HMCN1: variants seen among roughly 807,000 people sequenced by gnomAD.
HMCN1 encodes the protein hemicentin 1.
In HMCN1, 321 loss-of-function variants were observed where a neutral mutation model predicts 625.9. That is an observed-to-expected ratio of 0.51 (90% CI 0.47 to 0.56). The LOEUF (loss-of-function observed/expected upper bound fraction) is 0.56, where lower values mean the gene tolerates loss of function less well. HMCN1 is among the 20% of genes least tolerant of loss of function. The pLI is 0.00. For missense variants in HMCN1, 6,588 were observed against 6,887.3 expected (o/e 0.96, Z 1.54); for synonymous variants, 2,425 against 2,417.6 (o/e 1.00, Z -0.09).
intron 49 of HMCN1, 61 bp from the exon 50 acceptor site, chr1:186,067,773 G>A: frequency 8.5e-7 from 1 of 1,173,338 alleles, no homozygotes; most frequent in Non-Finnish European, 1.3e-6. Flanking sequence ...TGGAAATTTA[G>A]AAATGCACAA....
chr1:186,012,489 G>T (rs1038375509), intron 30 of HMCN1, among the ~76,000 whole-genome samples: 4 of 151,582 alleles, frequency 2.6e-5, no homozygotes, highest in African/African-American at 7.3e-5. Context: ...CAAAAGTCAA[G>T]AATACTATTG....
intron 1 of HMCN1, among the ~76,000 whole-genome samples, chr1:185,816,166 A>C (rs1368551147): frequency 6.6e-6 from 1 of 152,228 alleles, no homozygotes; most frequent in East Asian, 1.9e-4. Flanking sequence ...CTATCTGGTC[A>C]GAATGGAAGA....
In HMCN1 at chr1:185,970,400, C is replaced by A; in HGVS notation, c.2278C>A (p.Gln760Lys). 1 of 1,613,592 alleles carries A rather than the reference C, an allele frequency of 6.2e-7. No homozygotes were observed. The highest frequency in any genetic ancestry group is 8.5e-7 in the Non-Finnish European group (1 of 1,179,536). ...CCCTCTCTTGGGACTTTTGAAGATT[C>A]AAGAAACACAAGATCTGGATGCTGG... Reference protein sequence around the residue: ...IDPLLGLLKIQETQDLDAGDY... With the variant: ...IDPLLGLLKIKETQDLDAGDY... The change falls in exon 15 of 107, where the codon CAA becomes AAA. Residue 760 changes from glutamine (Q) to lysine (K), a missense_variant. Gln to Lys is a moderately conservative substitution (Grantham distance 53). Transcript: ENST00000271588.
chr1:186,130,896 T>G, intron 85 of HMCN1, among the ~76,000 whole-genome samples, 199 bp downstream of exon 85: 1 of 152,334 alleles, frequency 6.6e-6, no homozygotes, highest in Middle Eastern at 3.4e-3. Flanking sequence ...TGAGATAATG[T>G]GGCTGCCTTG....
chr1:185,783,691 A>C (rs149958679), intron 1 of HMCN1, among the ~76,000 whole-genome samples: 33 of 152,302 alleles, frequency 2.2e-4, no homozygotes, highest in African/African-American at 7.9e-4. Flanking sequence ...TTGATGCCTG[A>C]TCATTCCTCT....
intron 11 of HMCN1, among the ~76,000 whole-genome samples, chr1:185,953,567 G>A (rs111989152): frequency 0.012 from 1,819 of 151,962 alleles, 69 homozygotes; most frequent in African/African-American, 0.042. Context: ...AGGAGAAAGA[G>A]GTTGAAGGAT....
rs1484639090 is a variant in HMCN1, at chr1:185,933,827, A to G, written c.1828+3A>G. On this transcript the variant is annotated splice_donor_region_variant and intron_variant, in intron 11 of 106. Coordinates refer to ENST00000271588, the MANE Select transcript of HMCN1 (RefSeq NM_031935.3). ...TTCAGTTTTCCTCACAGTGCAAGGT[A>G]CAGTGCTTTGGTAACTTCTGAATTA... 3.7e-6 allele frequency: 6 copies of G among 1,613,216 alleles called. No individual in the cohort carries two copies. Among genetic ancestry groups the G allele is most frequent in the Middle Eastern group, 1.6e-4 (1 of 6,062 alleles).
At chr1:185,911,603 A>T in intron 5 of HMCN1, 71 bp from the exon 6 acceptor site, 1 of 1,066,522 alleles carries the variant, frequency 9.4e-7, no homozygotes, top group Non-Finnish European at 1.5e-6. Context: ...AGTTTTATGT[A>T]GTGTTAAATT....
chr1:186,093,024 G>C, intron 64 of HMCN1, 110 bp from the exon 65 acceptor site: 1 of 1,434,298 alleles, frequency 7.0e-7, no homozygotes, highest in Non-Finnish European at 9.8e-7. Context: ...ATTTCAGTTG[G>C]TTGCTTGAAT....
At chr1:185,756,169 T>G (rs1254463233) in intron 1 of HMCN1, among the ~76,000 whole-genome samples, 1 of 152,136 alleles carries the variant, frequency 6.6e-6, no homozygotes, top group Non-Finnish European at 1.5e-5. Flanking sequence ...TAAAACAAGA[T>G]TTTTTACAGG....
intron 1 of HMCN1, among the ~76,000 whole-genome samples, chr1:185,826,723 C>T (rs1220126993): frequency 2.0e-5 from 3 of 152,102 alleles, no homozygotes; most frequent in Non-Finnish European, 4.4e-5. Flanking sequence ...TCTCAACTAC[C>T]ATGTCCATTG....
intron 2 of HMCN1, 80 bp downstream of exon 2, chr1:185,846,176 T>C (rs1661801905): frequency 9.0e-7 from 1 of 1,117,164 alleles, no homozygotes; most frequent in Non-Finnish European, 1.3e-6. Context: ...TTTTTAAATC[T>C]AAAAGACATA....
chr1:185,878,707 C>A (rs181487741), intron 4 of HMCN1, among the ~76,000 whole-genome samples: 1 of 149,616 alleles, frequency 6.7e-6, no homozygotes, highest in Admixed American at 6.6e-5. Context: ...GTACTTCTCT[C>A]TATCTAATAT....
chr1:186,108,235 C>T (rs943540417), intron 70 of HMCN1, among the ~76,000 whole-genome samples: 14 of 151,846 alleles, frequency 9.2e-5, no homozygotes, highest in African/African-American at 3.1e-4. Flanking sequence ...ATATTACTTC[C>T]ATCATGCATG....
chr1:186,128,335 A>C (rs746257502), intron 83 of HMCN1, 44 bp downstream of exon 83: 15 of 1,460,318 alleles, frequency 1.0e-5, no homozygotes, highest in Non-Finnish European at 1.4e-5. Context: ...ACACCTATGT[A>C]GAACTCTAGA....
rs1433188815 is a variant in HMCN1 at position 186,055,792 on chromosome 1, A to G, written c.7144+118A>G. On this transcript the variant is annotated intron_variant, in intron 45 of 106. Coordinates refer to ENST00000271588, the MANE Select transcript of HMCN1 (RefSeq NM_031935.3). ...TTATTTATAACCCATCATTTTAAACATATATACCTTTTCCCCAGGTCAGTC... is the reference window on the plus strand; with the variant it reads ...TTATTTATAACCCATCATTTTAAACGTATATACCTTTTCCCCAGGTCAGTC... The G allele has an allele frequency of 1.1e-5, 11 of 995,068 alleles. No individual in the cohort carries two copies. The East Asian group carries it at 2.5e-4, about 22-fold the overall frequency. The allele number at this position is 995,068 out of a possible 1,614,324, so 61.6% of individuals were successfully genotyped here.
intron 49 of HMCN1, among the ~76,000 whole-genome samples, chr1:186,066,720 CAA>C (rs1658141147): frequency 6.6e-6 from 1 of 152,122 alleles, no homozygotes; most frequent in African/African-American, 2.4e-5. Flanking sequence ...TTTTCCTTCA[CAA>C]TGCTCTTTCC....
chr1:185,864,830 G>A (rs113382846), intron 3 of HMCN1, among the ~76,000 whole-genome samples: 19 of 152,170 alleles, frequency 1.2e-4, no homozygotes, highest in Middle Eastern at 3.4e-3. Flanking sequence ...TGAATGTCTT[G>A]GTTTTCAGTA....
intron 1 of HMCN1, among the ~76,000 whole-genome samples, chr1:185,823,433 G>A (rs1370891119): frequency 2.6e-5 from 4 of 152,144 alleles, no homozygotes; most frequent in Non-Finnish European, 5.9e-5. Context: ...AAGGTAAAGT[G>A]TAAATAATGT....
Sources: gnomAD v4.1 joint callset for allele counts (sites outside exome capture counted in the v4.1 genomes callset) on GRCh38, gnomAD v4.1.1 for gene constraint, MANE v1.5 for transcripts, NCBI Gene and HGNC (gene_info 2026-07-23, HGNC 2026-07-21) for gene names.